The following GNAS variants were observed in gnomAD, a reference collection of about 807,000 sequenced individuals.
GNAS encodes the protein GNAS complex locus, also known as protein ALEX.
In GNAS, 8 loss-of-function variants were observed where a neutral mutation model predicts 54.5. That is an observed-to-expected ratio of 0.15 (90% CI 0.09 to 0.26). GNAS has a LOEUF of 0.26. GNAS is among the 10% of genes least tolerant of loss of function. The pLI, the probability that GNAS is intolerant of heterozygous loss-of-function variation, is 1.00. For synonymous variants in GNAS, 204 were observed against 191.4 expected (o/e 1.07, Z -0.54); for missense variants, 170 against 529.8 (o/e 0.32, Z 6.67).
chr20:58,909,694 C>G lies in GNAS; in HGVS notation c.729C>G (p.Ala243=), dbSNP rs11554277. The change falls in exon 10 of 13, where the codon GCC becomes GCG. Residue 243 remains alanine (A), a synonymous_variant. Coordinates refer to ENST00000371085, the MANE Select transcript of GNAS (RefSeq NM_000516.7). The surrounding 1 kb of genome is among the most constrained non-coding windows in gnomAD (Gnocchi z 7.3). ...CTCTCTTTGGTTAAGATGTGACTGC[C>G]ATCATCTTCGTGGTGGCCAGCAGCA... is the stretch of plus-strand genomic sequence containing the variant. ...KWIQCFNDVT[A]IIFVVASSSY... The G allele has an allele frequency of 1.2e-6, 2 of 1,613,978 alleles. No homozygotes were observed. The highest frequency in any genetic ancestry group is 2.7e-5 in the African/African-American group (2 of 74,900).
chr20:58,852,382 C>G (rs2086214329), intron 1 of GNAS, among the ~76,000 whole-genome samples: 1 of 152,246 alleles, frequency 6.6e-6, no homozygotes, highest in Non-Finnish European at 1.5e-5. Flanking sequence ...GGCATCCCCT[C>G]TCCCTCGCCT....
At chr20:58,859,013 A>C (rs554353052) in intron 1 of GNAS, among the ~76,000 whole-genome samples, 1 of 152,156 alleles carries the variant, frequency 6.6e-6, no homozygotes, top group Non-Finnish European at 1.5e-5. Flanking sequence ...CTCAAAAAAA[A>C]TTTTCCCATA....
In GNAS at chr20:58,894,621, C is replaced by T. The variant is rs188986108; in HGVS notation, c.140-991C>T. Among the ~76,000 whole-genome samples, 11 of 152,242 alleles carry T rather than the reference C, an allele frequency of 7.2e-5. No individual in the cohort carries two copies. In the East Asian group the frequency reaches 9.6e-4, roughly 13 times the overall value. On this transcript the variant is annotated intron_variant, in intron 1 of 12. Transcript: ENST00000371085. ...TGCAAAAAAGATGCAAAATAGCAAT[C>T]CTCCCTCTAGCTTGATGGAAATGTG...
At chr20:58,840,216 G>C (rs975964450), upstream of GNAS, 3 of 1,610,798 alleles carry the variant, frequency 1.9e-6, no homozygotes, top group Admixed American at 5.0e-5. The surrounding 1 kb of genome is among the most constrained non-coding windows in gnomAD (Gnocchi z 6.0). Flanking sequence ...TGGCTCTCCT[G>C]CTCCATCGCG....
intron 1 of GNAS, among the ~76,000 whole-genome samples, chr20:58,892,688 AAGG>A (rs1461354596): frequency 3.3e-5 from 5 of 152,082 alleles, no homozygotes; most frequent in African/African-American, 4.8e-5. Flanking sequence ...CGGGCCGTGG[AAGG>A]AGGAGAAGGA....
At position 58,853,379 on chromosome 20, in the gene GNAS, C is replaced by T. The variant is rs1469916858; in HGVS notation, c.43+12493C>T. On this transcript the variant is annotated intron_variant, in intron 1 of 12. Transcript: ENST00000306090. This position sits in a 1 kb window ranked among gnomAD's most constrained non-coding sequence, Gnocchi z 4.4. Reference sequence around the variant, plus strand: ...CTTTGGAGGCCCCAGGGGCAGCTGCCCCCGGTGCTGGGCCTAGCCCAGCCG... The same window carrying T: ...CTTTGGAGGCCCCAGGGGCAGCTGCTCCCGGTGCTGGGCCTAGCCCAGCCG... 2.6e-6 allele frequency: 4 copies of T among 1,558,018 alleles called. No individual in the cohort carries two copies. Among genetic ancestry groups the T allele is most frequent in the Non-Finnish European group, 3.5e-6 (4 of 1,151,462 alleles).
At chr20:58,896,363 G>C (rs747645589) in intron 2 of GNAS, among the ~76,000 whole-genome samples, 1 of 152,118 alleles carries the variant, frequency 6.6e-6, no homozygotes, top group South Asian at 2.1e-4. Flanking sequence ...CTGGGAGTTA[G>C]GCACTCCCAG....
At chr20:58,839,934 C>T, upstream of GNAS, 1 of 654,134 alleles carries the variant, frequency 1.5e-6, no homozygotes, top group South Asian at 1.9e-5. Flanking sequence ...CTTAAGTGGT[C>T]AGGAAGGTAG....
intron 3 of GNAS, among the ~76,000 whole-genome samples, chr20:58,899,187 C>T (rs1222011461): frequency 6.6e-6 from 1 of 152,132 alleles, no homozygotes. Flanking sequence ...TTTTTTTGGC[C>T]ATGCTTAAAG....
In GNAS at chr20:58,909,589, T is replaced by C. The variant is rs1182190570; in HGVS notation, c.718+10T>C. On this transcript the variant is annotated intron_variant, in intron 9 of 12. Transcript: ENST00000371085. This position sits in a 1 kb window ranked among gnomAD's most constrained non-coding sequence, Gnocchi z 7.3. Reference sequence around the variant, plus strand: ...ATCCAGTGCTTCAACGGTAGGATGCTGTGGGCTTGGCTGTTCGTAAAGAAC... The same window carrying C: ...ATCCAGTGCTTCAACGGTAGGATGCCGTGGGCTTGGCTGTTCGTAAAGAAC... 1.2e-6 allele frequency: 2 copies of C among 1,614,180 alleles called. No homozygotes were observed. Among genetic ancestry groups the C allele is most frequent in the Admixed American group, 1.7e-5 (1 of 60,014 alleles).
upstream of GNAS, chr20:58,840,140 C>G (rs2085661524): frequency 8.7e-6 from 14 of 1,611,410 alleles, no homozygotes; most frequent in South Asian, 1.1e-5. This position sits in a 1 kb window ranked among gnomAD's most constrained non-coding sequence, Gnocchi z 6.0. Context: ...GCAGTGGCGC[C>G]GAGCTCGCCA....
chr20:58,848,296 C>T (rs2086015517), intron 1 of GNAS, among the ~76,000 whole-genome samples: 1 of 152,232 alleles, frequency 6.6e-6, no homozygotes, highest in South Asian at 2.1e-4. Context: ...TGCAGCCCTA[C>T]ACTCCAGCAC....
chr20:58,841,382 G>C lies in GNAS; in HGVS notation c.43+496G>C. 1 of 1,016,134 alleles carries C rather than the reference G, an allele frequency of 9.8e-7. No homozygotes were observed. Among genetic ancestry groups the C allele is most frequent in the Non-Finnish European group, 1.2e-6 (1 of 848,424 alleles). 62.9% of individuals were successfully genotyped at this position (1,016,134 alleles called of 1,614,324 possible). On this transcript the variant is annotated intron_variant, in intron 1 of 12. Transcript: ENST00000306090. This position sits in a 1 kb window ranked among gnomAD's most constrained non-coding sequence, Gnocchi z 5.0. The stretch of plus-strand genomic sequence containing the variant: ...GAGACACCGTTGAAATGTGCGGAAA[G>C]TAATCTGAATGGGAATGGGCGAGAA...
intron 1 of GNAS, among the ~76,000 whole-genome samples, chr20:58,894,482 TAAAAC>T (rs1209270611): frequency 5.3e-5 from 8 of 152,152 alleles, no homozygotes; most frequent in African/African-American, 1.7e-4. Context: ...ATCTGGGCAT[TAAAAC>T]AAAACAATAC....
chr20:58,891,877 C>T lies in GNAS; in HGVS notation c.139+12C>T. Reference sequence around the variant, plus strand: ...CCTGCTGCTGCTGGGTAAGGGCGGGCGGGGGGCGCCGGCCCCGGCCCGGGG... The same window carrying T: ...CCTGCTGCTGCTGGGTAAGGGCGGGTGGGGGGCGCCGGCCCCGGCCCGGGG... On this transcript the variant is annotated intron_variant, in intron 1 of 12. Transcript: ENST00000371085. 3 of 1,159,804 alleles carry T rather than the reference C, an allele frequency of 2.6e-6. No homozygotes were observed. The highest frequency in any genetic ancestry group is 2.5e-5 in the Admixed American group (1 of 39,244). The allele number at this position is 1,159,804 out of a possible 1,614,324, so 71.8% of individuals were successfully genotyped here.
chr20:58,840,901 G>A lies in GNAS; in HGVS notation c.43+15G>A, dbSNP rs1447611329. 3.1e-6 allele frequency: 5 copies of A among 1,611,612 alleles called. No homozygotes were observed. Among genetic ancestry groups the A allele is most frequent in the Non-Finnish European group, 3.4e-6 (4 of 1,179,478 alleles). ...CATGGATTCAGGTTAGTTGCCCACCGCTAAACTGGGGAGCCTGAGGGCGGT... is the reference window on the plus strand; with the variant it reads ...CATGGATTCAGGTTAGTTGCCCACCACTAAACTGGGGAGCCTGAGGGCGGT... On this transcript the variant is annotated intron_variant, in intron 1 of 12. Transcript: ENST00000306090. This position sits in a 1 kb window ranked among gnomAD's most constrained non-coding sequence, Gnocchi z 6.0.
At position 58,891,556 on chromosome 20, in the gene GNAS, C is replaced by T; in HGVS notation, c.-171C>T. 1.0e-6 allele frequency: 1 copy of T among 973,496 alleles called. No homozygotes were observed. Among genetic ancestry groups the T allele is most frequent in the Non-Finnish European group, 1.2e-6 (1 of 822,718 alleles). 60.3% of individuals were successfully genotyped at this position (973,496 alleles called of 1,614,324 possible). On this transcript the variant is annotated 5_prime_UTR_variant, in exon 1 of 13. Transcript: ENST00000371085. The stretch of plus-strand genomic sequence containing the variant: ...ACACCCTCCCCTTCCCGCCCGTCCG[C>T]GCGCCCCGCGGCCCGCGGCCCGCAG...
intron 1 of GNAS, among the ~76,000 whole-genome samples, chr20:58,858,325 T>C (rs2086600498): frequency 6.6e-6 from 1 of 152,322 alleles, no homozygotes; most frequent in Non-Finnish European, 1.5e-5. Flanking sequence ...TCTGTTTTTA[T>C]TGCCGGGACA....
Position 58,845,406 on chromosome 20 carries a change from A to T in GNAS, c.43+4520A>T, listed in dbSNP as rs76533362. ...CCCATGACATTTTAATACCATGGAC[A>T]TACAGCTAGACCCCACTGTCTGTTT... On this transcript the variant is annotated intron_variant, in intron 1 of 12. Coordinates refer to the GNAS transcript ENST00000306090. Among the ~76,000 whole-genome samples, 627 of 152,264 alleles carry T rather than the reference A, an allele frequency of 4.1e-3. 10 individuals are homozygous for T. The East Asian group carries it at 0.057, about 14-fold the overall frequency.
Sources: allele counts gnomAD v4.1 joint callset (sites outside exome capture counted in the v4.1 genomes callset), GRCh38; gene constraint gnomAD v4.1.1; non-coding constraint Gnocchi (gnomAD v3.1); transcripts MANE v1.5; gene names NCBI Gene and HGNC (gene_info 2026-07-23, HGNC 2026-07-21).